The following RNLS variants were observed in gnomAD, a reference collection of about 807,000 sequenced individuals.
RNLS encodes renalase, FAD dependent amine oxidase, also known as renalase.
Under a neutral mutation model 39.8 loss-of-function variants are expected in RNLS, and 39 were observed. The observed-to-expected ratio is 0.98, with a 90% CI of 0.76 to 1.28. RNLS has a LOEUF of 1.28. Among genes scored for constraint, RNLS ranks in the 50% most tolerant of loss-of-function variants. The pLI, the probability that RNLS is intolerant of heterozygous loss-of-function variation, is 0.00. For synonymous variants in RNLS, 147 were observed against 150.7 expected (o/e 0.98, Z 0.18); for missense variants, 410 against 413.3 (o/e 0.99, Z 0.07).
In RNLS at chr10:88,438,966, G is replaced by A. The variant is rs896338084; in HGVS notation, c.527-76241C>T. Among the ~76,000 whole-genome samples, 7 of 152,160 alleles carry A rather than the reference G, an allele frequency of 4.6e-5. No individual in the cohort carries two copies. In the South Asian group the frequency reaches 6.2e-4, roughly 14 times the overall value. ...CAACAAGTAACTGACTGATATCACC[G>A]GGGGCGGGTGGGAGTGGGGGCGCCT... On this transcript the variant is annotated intron_variant, in intron 4 of 6. Coordinates refer to ENST00000331772, the MANE Select transcript of RNLS (RefSeq NM_001031709.3).
chr10:88,319,178 C>T (rs556434781), intron 5 of RNLS, among the ~76,000 whole-genome samples: 1 of 152,266 alleles, frequency 6.6e-6, no homozygotes, highest in African/African-American at 2.4e-5. Flanking sequence ...AGGACCCATA[C>T]AGCACCTTGG....
intron 5 of RNLS, among the ~76,000 whole-genome samples, chr10:88,328,870 G>A (rs563960125): frequency 6.6e-6 from 1 of 152,070 alleles, no homozygotes; most frequent in South Asian, 2.1e-4. Flanking sequence ...AAAGTATTCT[G>A]TGAAGTTCTT....
intron 5 of RNLS, among the ~76,000 whole-genome samples, chr10:88,351,808 T>A (rs1434013079): frequency 6.6e-6 from 1 of 152,244 alleles, no homozygotes; most frequent in African/African-American, 2.4e-5. Flanking sequence ...ATGGCCATTT[T>A]CATGATATTG....
intron 5 of RNLS, among the ~76,000 whole-genome samples, chr10:88,317,795 G>A (rs759748902): frequency 1.3e-5 from 2 of 152,268 alleles, no homozygotes; most frequent in African/African-American, 2.4e-5. Flanking sequence ...ACCTGACAGA[G>A]TGCCCAGGGG....
chr10:88,287,052 G>A (rs1843324615), intron 6 of RNLS, among the ~76,000 whole-genome samples: 1 of 152,030 alleles, frequency 6.6e-6, no homozygotes, highest in Non-Finnish European at 1.5e-5. Context: ...GCTTCCCAAA[G>A]TGTTGGGATT....
the RNLS span, among the ~76,000 whole-genome samples, chr10:88,249,762 A>T: frequency 6.6e-6 from 1 of 152,178 alleles, no homozygotes; most frequent in Non-Finnish European, 1.5e-5. Flanking sequence ...TGTGTGTGCC[A>T]TTCAGCAAAC....
At chr10:88,453,994 A>G (rs1842484627) in intron 4 of RNLS, among the ~76,000 whole-genome samples, 2 of 152,230 alleles carry the variant, frequency 1.3e-5, no homozygotes, top group Admixed American at 1.3e-4. Flanking sequence ...GGCAATATCA[A>G]TTTCACAGAG....
At chr10:88,268,351 A>G in the RNLS span, among the ~76,000 whole-genome samples, 1 of 152,142 alleles carries the variant, frequency 6.6e-6, no homozygotes, top group East Asian at 1.9e-4. Context: ...CTCTCCATAT[A>G]TTTCCCGATG....
At chr10:88,342,955 T>C (rs1279848774) in intron 5 of RNLS, among the ~76,000 whole-genome samples, 1 of 152,204 alleles carries the variant, frequency 6.6e-6, no homozygotes, top group African/African-American at 2.4e-5. Context: ...TGTCTATTGC[T>C]TGGGTTACAT....
At chr10:88,491,199 G>T (rs1844859030) in intron 4 of RNLS, among the ~76,000 whole-genome samples, 1 of 152,134 alleles carries the variant, frequency 6.6e-6, no homozygotes, top group Non-Finnish European at 1.5e-5. Context: ...CACACTCTAG[G>T]TTTCTTTCCA....
the RNLS span, among the ~76,000 whole-genome samples, chr10:88,188,618 G>T: frequency 1.3e-5 from 2 of 152,296 alleles, no homozygotes; most frequent in Non-Finnish European, 1.5e-5. Context: ...AGTGGCTGAA[G>T]ACCCACATAA....
chr10:88,285,987 G>A (rs1219211405), intron 6 of RNLS, among the ~76,000 whole-genome samples: 1 of 152,064 alleles, frequency 6.6e-6, no homozygotes, highest in East Asian at 1.9e-4. Flanking sequence ...CACAGCCAGA[G>A]GTGCCATCTA....
chr10:88,199,487 A>G, the RNLS span, among the ~76,000 whole-genome samples: 1 of 152,318 alleles, frequency 6.6e-6, no homozygotes, highest in Admixed American at 6.5e-5. Context: ...CGATATTGCC[A>G]AATGTCTCCT....
chr10:88,546,524 GTGC>G (rs1848321851), intron 4 of RNLS, among the ~76,000 whole-genome samples: 1 of 152,060 alleles, frequency 6.6e-6, no homozygotes, highest in Non-Finnish European at 1.5e-5. Flanking sequence ...TTTGCCCTTT[GTGC>G]TTATTGCTAA....
chr10:88,509,840 C>A (rs1846006993), intron 4 of RNLS, among the ~76,000 whole-genome samples: 1 of 152,176 alleles, frequency 6.6e-6, no homozygotes, highest in African/African-American at 2.4e-5. Context: ...ACCAATTGGT[C>A]ATATAACCTT....
the RNLS span, among the ~76,000 whole-genome samples, chr10:88,243,156 A>T: frequency 6.6e-6 from 1 of 152,246 alleles, no homozygotes; most frequent in Non-Finnish European, 1.5e-5. Flanking sequence ...AGTGCCAGGA[A>T]CATAAGGGAT....
At chr10:88,502,293 G>C (rs917449773) in intron 4 of RNLS, among the ~76,000 whole-genome samples, 1 of 149,576 alleles carries the variant, frequency 6.7e-6, no homozygotes, top group Non-Finnish European at 1.5e-5. Context: ...CTTTAGCAGA[G>C]GTGGGGTAGG....
At chr10:88,422,649 T>C (rs1854474969) in intron 4 of RNLS, among the ~76,000 whole-genome samples, 1 of 152,188 alleles carries the variant, frequency 6.6e-6, no homozygotes, top group South Asian at 2.1e-4. Context: ...AGTGACAAGT[T>C]TGATAGAAAT....
chr10:88,172,842 G>GTTGTTTTTTTTTTTT, the RNLS span, among the ~76,000 whole-genome samples: 8 of 43,776 alleles, frequency 1.8e-4, no homozygotes, highest in Admixed American at 7.1e-4. Flanking sequence ...ATTTTGAGTT[G>GTTGTTTTTTTTTTTT]TTTTTTTTTT....
Sources: allele counts gnomAD v4.1 joint callset (sites outside exome capture counted in the v4.1 genomes callset), GRCh38; gene constraint gnomAD v4.1.1; transcripts MANE v1.5; gene names NCBI Gene and HGNC (gene_info 2026-07-23, HGNC 2026-07-21).